The following FMN1 variants were observed in gnomAD, a reference collection of about 807,000 sequenced individuals.
FMN1 encodes the protein formin 1, also known as formin-1.
Under a neutral mutation model 132.4 loss-of-function variants are expected in FMN1, and 110 were observed. That is an observed-to-expected ratio of 0.83 (90% CI 0.71 to 0.97). FMN1 has a LOEUF of 0.97. FMN1 is among the 50% of genes least tolerant of loss of function. The pLI, the probability that FMN1 is intolerant of heterozygous loss-of-function variation, is 0.00. For synonymous variants in FMN1, 722 were observed against 651.7 expected (o/e 1.11, Z -1.64); for missense variants, 1,792 against 1,705.3 (o/e 1.05, Z -0.90).
In FMN1 at chr15:32,950,052, CACATATATAT is replaced by C. The variant is rs1432046279; in HGVS notation, c.3138+14045_3138+14054del. Among the ~76,000 whole-genome samples, 3 of 2,974 alleles carry C rather than the reference CACATATATAT, an allele frequency of 1.0e-3. 1 individual carries two copies. Among genetic ancestry groups the C allele is most frequent in the African/African-American group, 2.4e-3 (3 of 1,260 alleles). 2.0% of individuals were successfully genotyped at this position (2,974 alleles called of 152,430 possible). A position where few individuals can be genotyped will look rare whatever the true frequency, so the allele number is the denominator to read the frequency against. ...ATATATACACATATATATATATATACACATATATATATATATATATATATATATTAAAAAG... is the reference window on the plus strand; with the variant it reads ...ATATATACACATATATATATATATACATATATATATATATATATTAAAAAG... On this transcript the variant is annotated intron_variant, in intron 9 of 20. Transcript: ENST00000616417.
chr15:32,953,510 A>G (rs2061697239), intron 9 of FMN1, among the ~76,000 whole-genome samples: 1 of 152,188 alleles, frequency 6.6e-6, no homozygotes. Context: ...CATGCAAATT[A>G]GCCTCAGCTG....
chr15:32,921,675 TTTTC>T (rs1456003970), intron 10 of FMN1, among the ~76,000 whole-genome samples: 6 of 116,454 alleles, frequency 5.2e-5, no homozygotes, highest in Non-Finnish European at 6.9e-5. Context: ...TGTGTCTTTT[TTTTC>T]TTTTTTTTTT....
At chr15:33,086,120 A>G (rs1408088049) in intron 5 of FMN1, among the ~76,000 whole-genome samples, 1 of 151,970 alleles carries the variant, frequency 6.6e-6, no homozygotes, top group Non-Finnish European at 1.5e-5. Flanking sequence ...GCGTGGTGGC[A>G]TGCGCCTGTA....
At chr15:32,810,666 TGA>T (rs2057844186) in intron 17 of FMN1, among the ~76,000 whole-genome samples, 1 of 152,216 alleles carries the variant, frequency 6.6e-6, no homozygotes, top group African/African-American at 2.4e-5. Context: ...ATTCATACAA[TGA>T]GAGTGGCTGA....
At chr15:32,891,541 G>T (rs942254639) in intron 15 of FMN1, among the ~76,000 whole-genome samples, 1 of 152,142 alleles carries the variant, frequency 6.6e-6, no homozygotes, top group Non-Finnish European at 1.5e-5. Flanking sequence ...GCCTAGAGTT[G>T]TTTTTTTCTA....
intron 4 of FMN1, among the ~76,000 whole-genome samples, chr15:33,128,155 G>A (rs988131507): frequency 6.1e-5 from 9 of 148,198 alleles, no homozygotes; most frequent in African/African-American, 2.4e-4. Flanking sequence ...TGTAACAGAA[G>A]TAGGATGGAG....
At chr15:32,787,611 G>A (rs1015592097) in intron 19 of FMN1, among the ~76,000 whole-genome samples, 3 of 152,204 alleles carry the variant, frequency 2.0e-5, no homozygotes, top group African/African-American at 4.8e-5. Flanking sequence ...AGTGCTTTGG[G>A]AGGCTGAGGC....
chr15:32,927,160 A>G (rs2060982507), intron 9 of FMN1, among the ~76,000 whole-genome samples: 1 of 152,190 alleles, frequency 6.6e-6, no homozygotes, highest in East Asian at 1.9e-4. Context: ...CTTGACATAT[A>G]TTTATTTAAA....
chr15:32,897,947 C>A (rs140431750), intron 15 of FMN1, among the ~76,000 whole-genome samples: 1 of 152,144 alleles, frequency 6.6e-6, no homozygotes, highest in Non-Finnish European at 1.5e-5. Flanking sequence ...TCAAAAACTA[C>A]GATATTCTTA....
chr15:32,871,612 G>A (rs1420114042), intron 16 of FMN1, among the ~76,000 whole-genome samples: 1 of 151,890 alleles, frequency 6.6e-6, no homozygotes, highest in Non-Finnish European at 1.5e-5. Flanking sequence ...ATTTCTTTAG[G>A]AAATGACCTA....
At chr15:33,068,152 C>T (rs533794277) in intron 5 of FMN1, 9 of 578,750 alleles carry the variant, frequency 1.6e-5, no homozygotes, top group African/African-American at 1.5e-4. Context: ...TTACTACACA[C>T]GGACCAGGGA....
intron 6 of FMN1, among the ~76,000 whole-genome samples, chr15:33,018,086 T>G (rs1362814135): frequency 2.1e-5 from 3 of 140,242 alleles, no homozygotes; most frequent in East Asian, 2.1e-4. Context: ...AAAAAAAAAT[T>G]TATATGTTAA....
intron 5 of FMN1, among the ~76,000 whole-genome samples, chr15:33,070,845 C>A (rs1336791814): frequency 2.0e-5 from 3 of 152,134 alleles, no homozygotes; most frequent in Admixed American, 1.3e-4. Context: ...CAGATAACAA[C>A]CATATTATGA....
intron 17 of FMN1, among the ~76,000 whole-genome samples, chr15:32,815,059 C>G (rs1443862164): frequency 6.6e-6 from 1 of 152,166 alleles, no homozygotes; most frequent in Non-Finnish European, 1.5e-5. Flanking sequence ...TCTCCCGCCT[C>G]AGCCTCCCGA....
At chr15:32,910,627 C>T in intron 10 of FMN1, 92 bp from the exon 11 acceptor site, 1 of 939,354 alleles carries the variant, frequency 1.1e-6, no homozygotes, top group East Asian at 2.6e-5. Context: ...AAGCAATTAA[C>T]AGAGTATTGC....
At chr15:32,837,268 C>A in intron 17 of FMN1, 1 of 218,526 alleles carries the variant, frequency 4.6e-6, no homozygotes. Flanking sequence ...TCGGAGAAGT[C>A]AAACTTCTAC....
intron 4 of FMN1, among the ~76,000 whole-genome samples, chr15:33,124,394 C>A (rs577218651): frequency 6.6e-6 from 1 of 152,144 alleles, no homozygotes; most frequent in Admixed American, 6.5e-5. Context: ...GTACATTTCA[C>A]CCCCCTTGCC....
At chr15:32,955,416 T>C (rs2061742932) in intron 9 of FMN1, among the ~76,000 whole-genome samples, 1 of 152,162 alleles carries the variant, frequency 6.6e-6, no homozygotes, top group South Asian at 2.1e-4. Flanking sequence ...AACCGAAGTA[T>C]ACATATATGA....
intron 17 of FMN1, among the ~76,000 whole-genome samples, chr15:32,844,286 T>G (rs1411382992): frequency 6.6e-6 from 1 of 152,216 alleles, no homozygotes. Flanking sequence ...AGGGTCTTTG[T>G]GGATCCCAAG....
Sources: gnomAD v4.1 joint callset for allele counts (sites outside exome capture counted in the v4.1 genomes callset) on GRCh38, gnomAD v4.1.1 for gene constraint, MANE v1.5 for transcripts, NCBI Gene and HGNC (gene_info 2026-07-23, HGNC 2026-07-21) for gene names.